RIPK2: variants seen among roughly 807,000 people sequenced by gnomAD.
The protein encoded by RIPK2 is receptor interacting serine/threonine kinase 2, also known as receptor-interacting serine/threonine-protein kinase 2.
A neutral mutation model predicts 60.9 loss-of-function variants in RIPK2; 38 were observed. The ratio of observed to expected loss-of-function variants is 0.62; its 90% CI spans 0.48 to 0.82. The LOEUF is 0.82. RIPK2 is among the 40% of genes least tolerant of loss of function. RIPK2 has a pLI of 0.00. For synonymous variants in RIPK2, 225 were observed against 223.4 expected (o/e 1.01, Z -0.06); for missense variants, 518 against 647.0 (o/e 0.80, Z 2.16).
intron 2 of RIPK2, 151 bp from the exon 3 acceptor site, chr8:89,765,190 C>A: frequency 4.0e-6 from 2 of 501,106 alleles, no homozygotes; most frequent in Non-Finnish European, 6.9e-6. Flanking sequence ...AATGTTAAAC[C>A]CTATCAAATT....
intron 1 of RIPK2, among the ~76,000 whole-genome samples, chr8:89,761,783 G>C (rs1216953310): frequency 6.6e-6 from 1 of 151,884 alleles, no homozygotes; most frequent in African/African-American, 2.4e-5. Context: ...ATCACTTAGT[G>C]ACTGCTAAGT....
intron 6 of RIPK2, among the ~76,000 whole-genome samples, chr8:89,778,797 T>C (rs1163005611): frequency 6.6e-6 from 1 of 152,232 alleles, no homozygotes. Context: ...TCTGTGAACA[T>C]ATGTTTTCAT....
chr8:89,789,021 G>C (rs1034522359), intron 9 of RIPK2, among the ~76,000 whole-genome samples: 3 of 152,280 alleles, frequency 2.0e-5, no homozygotes, highest in African/African-American at 7.2e-5. Context: ...TTAAACTTCA[G>C]AAGGAGTAAG....
chr8:89,757,941 A>G lies in RIPK2; in HGVS notation c.-120A>G. The stretch of plus-strand genomic sequence containing the variant: ...CTCGTGACCTAGTGTTGCGGGGCAA[A>G]AAGGGTCTTGCCGGCCTCGCTCGTG... On this transcript the variant is annotated 5_prime_UTR_variant, in exon 1 of 11. Coordinates refer to ENST00000220751, the MANE Select transcript of RIPK2 (RefSeq NM_003821.6). 1.4e-6 allele frequency: 2 copies of G among 1,407,942 alleles called. No individual in the cohort carries two copies. The highest frequency in any genetic ancestry group is 1.8e-6 in the Non-Finnish European group (2 of 1,083,594). The allele number at this position is 1,407,942 out of a possible 1,614,324, so 87.2% of individuals were successfully genotyped here.
At chr8:89,788,797 A>G (rs941923991) in intron 9 of RIPK2, among the ~76,000 whole-genome samples, 1 of 145,296 alleles carries the variant, frequency 6.9e-6, no homozygotes, top group Non-Finnish European at 1.5e-5. Flanking sequence ...AGAGAGACAG[A>G]GAGAGAGAGA....
chr8:89,765,104 T>C (rs1168408455), intron 2 of RIPK2, among the ~76,000 whole-genome samples: 3 of 152,034 alleles, frequency 2.0e-5, no homozygotes, highest in African/African-American at 4.8e-5. Flanking sequence ...GCATGACCAA[T>C]ATAAACTAAA....
At position 89,780,266 on chromosome 8, in the gene RIPK2, A is replaced by T. The variant is rs1809476523; in HGVS notation, c.939+106A>T. On this transcript the variant is annotated intron_variant, in intron 7 of 10. Transcript: ENST00000220751. ...TTTTTAATATATATACTTTACACAG[A>T]TATAAGCTACAGTTTTGGAGTGAGA... 2.0e-5 allele frequency: 11 copies of T among 546,052 alleles called. No homozygotes were observed. The East Asian group carries it at 3.8e-4, about 19-fold the overall frequency. The allele number at this position is 546,052 out of a possible 1,614,324, so 33.8% of individuals were successfully genotyped here. A position where few individuals can be genotyped will look rare whatever the true frequency, so the allele number is the denominator to read the frequency against.
chr8:89,786,232 G>T (rs1057074055), intron 8 of RIPK2, among the ~76,000 whole-genome samples: 1 of 152,126 alleles, frequency 6.6e-6, no homozygotes, highest in Non-Finnish European at 1.5e-5. Context: ...CCAGCACTTT[G>T]TGTGGCCAAG....
chr8:89,765,935 C>T (rs1174896920), intron 3 of RIPK2, among the ~76,000 whole-genome samples: 1 of 151,646 alleles, frequency 6.6e-6, no homozygotes, highest in African/African-American at 2.4e-5. Context: ...GTAACCGCAA[C>T]AATCAAGGTA....
At position 89,758,226 on chromosome 8, in the gene RIPK2, C is replaced by T. The variant is rs1253031794; in HGVS notation, c.166C>T (p.Leu56Phe). The change falls in exon 1 of 11, where the codon CTC becomes TTC. Residue 56 changes from leucine to phenylalanine, a missense_variant. By Grantham distance (22) the Leu-to-Phe change is conservative. Coordinates refer to ENST00000220751, the MANE Select transcript of RIPK2 (RefSeq NM_003821.6). The stretch of plus-strand genomic sequence containing the variant: ...GCACCTGCACATCCACACTCCGCTG[C>T]TCGACAGGTAGGCAGTCACTGGGGT... Reference protein sequence around the residue: ...VKHLHIHTPLLDSERKDVLRE... With the variant: ...VKHLHIHTPLFDSERKDVLRE... 5 of 1,605,050 alleles carry T rather than the reference C, an allele frequency of 3.1e-6. No individual in the cohort carries two copies. The highest frequency in any genetic ancestry group is 4.2e-6 in the Non-Finnish European group (5 of 1,176,734).
chr8:89,776,040 C>G (rs753441090), intron 6 of RIPK2, among the ~76,000 whole-genome samples: 1 of 152,156 alleles, frequency 6.6e-6, no homozygotes, highest in Admixed American at 6.5e-5. Flanking sequence ...CAGTTGATAG[C>G]TTTACCAGCC....
intron 7 of RIPK2, among the ~76,000 whole-genome samples, chr8:89,783,720 C>T (rs1809537520): frequency 6.6e-6 from 1 of 152,084 alleles, no homozygotes; most frequent in Non-Finnish European, 1.5e-5. Context: ...TTATTAAGTA[C>T]CTAGTTTATA....
At chr8:89,775,624 C>T (rs1461414620) in intron 6 of RIPK2, among the ~76,000 whole-genome samples, 2 of 152,142 alleles carry the variant, frequency 1.3e-5, no homozygotes, top group African/African-American at 4.8e-5. Context: ...ATTCAGAATG[C>T]AAGTGATACT....
chr8:89,785,149 C>T (rs746354680), intron 8 of RIPK2, among the ~76,000 whole-genome samples: 31 of 152,168 alleles, frequency 2.0e-4, no homozygotes, highest in Non-Finnish European at 4.0e-4. Flanking sequence ...ACCATAGCAA[C>T]ATCTGACCTC....
chr8:89,771,851 C>A, intron 5 of RIPK2, 61 bp downstream of exon 5: 1 of 1,029,972 alleles, frequency 9.7e-7, no homozygotes, highest in Non-Finnish European at 1.5e-6. Context: ...ACTCTCAGAA[C>A]TATCTAAAAA....
chr8:89,789,589 A>G, intron 10 of RIPK2, 107 bp downstream of exon 10: 1 of 1,020,990 alleles, frequency 9.8e-7, no homozygotes, highest in Non-Finnish European at 1.4e-6. Context: ...CCTCAATATG[A>G]TAAATACATA....
chr8:89,760,615 G>T (rs932562868), intron 1 of RIPK2, among the ~76,000 whole-genome samples: 10 of 152,180 alleles, frequency 6.6e-5, no homozygotes, highest in Admixed American at 6.5e-4. Context: ...AATGTCCCAT[G>T]ATTGCAATTC....
intron 7 of RIPK2, among the ~76,000 whole-genome samples, chr8:89,781,709 A>G (rs1223821285): frequency 8.5e-5 from 13 of 152,184 alleles, no homozygotes; most frequent in Non-Finnish European, 8.8e-5. Context: ...ACCCTGGTCA[A>G]TGCCTGAAAC....
intron 7 of RIPK2, among the ~76,000 whole-genome samples, chr8:89,782,306 T>G (rs538774408): frequency 2.2e-4 from 34 of 152,320 alleles, no homozygotes; most frequent in African/African-American, 7.9e-4. Flanking sequence ...GCATGTGACT[T>G]AAAACTTATG....
Sources: gnomAD v4.1 joint callset for allele counts (sites outside exome capture counted in the v4.1 genomes callset) on GRCh38, gnomAD v4.1.1 for gene constraint, MANE v1.5 for transcripts, NCBI Gene and HGNC (gene_info 2026-07-23, HGNC 2026-07-21) for gene names.